Variants in KCTD16 observed in about 807,000 individuals in gnomAD.
KCTD16 encodes BTB/POZ domain-containing protein KCTD16.
KCTD16 carries 13 observed loss-of-function variants against 33.2 expected under a neutral mutation model. The ratio of observed to expected loss-of-function variants is 0.39; its 90% CI spans 0.25 to 0.62. The LOEUF (loss-of-function observed/expected upper bound fraction) is 0.62. KCTD16 is among the 20% of genes least tolerant of loss of function. KCTD16 has a pLI of 0.50. For synonymous variants in KCTD16, 197 were observed against 195.3 expected, an observed-to-expected ratio of 1.01 and a Z score of -0.07; for missense variants, 441 against 525.1, an observed-to-expected ratio of 0.84 and a Z score of 1.57.
chr5:144,258,581 A>C (rs999376820), intron 3 of KCTD16, among the ~76,000 whole-genome samples: 2 of 152,252 alleles, frequency 1.3e-5, no homozygotes, highest in Non-Finnish European at 2.9e-5. Flanking sequence ...GAATTTAAGC[A>C]GACCTTAAGC....
chr5:144,457,333 G>GC (rs1754088848), intron 3 of KCTD16, among the ~76,000 whole-genome samples: 1 of 152,168 alleles, frequency 6.6e-6, no homozygotes, highest in African/African-American at 2.4e-5. Flanking sequence ...AGAGAGATGT[G>GC]CCCCACGTGA....
At chr5:144,327,731 A>G (rs1271507369) in intron 3 of KCTD16, among the ~76,000 whole-genome samples, 2 of 152,188 alleles carry the variant, frequency 1.3e-5, no homozygotes, top group Admixed American at 6.6e-5. Flanking sequence ...TATTTAATAT[A>G]TGTAGGATGT....
At chr5:144,372,706 G>T (rs1352517030) in intron 3 of KCTD16, among the ~76,000 whole-genome samples, 1 of 152,166 alleles carries the variant, frequency 6.6e-6, no homozygotes, top group Admixed American at 6.5e-5. Flanking sequence ...CTTGGTGATG[G>T]GAGGCAAGGT....
intron 2 of KCTD16, among the ~76,000 whole-genome samples, chr5:144,189,532 A>G (rs991724413): frequency 2.0e-5 from 3 of 152,126 alleles, no homozygotes; most frequent in African/African-American, 7.2e-5. Flanking sequence ...AAGAAAATGT[A>G]GAGCAGGTAC....
intron 3 of KCTD16, among the ~76,000 whole-genome samples, chr5:144,378,142 C>A (rs1752133586): frequency 3.9e-5 from 6 of 152,104 alleles, no homozygotes; most frequent in Admixed American, 3.9e-4. Flanking sequence ...CACAGCCTTC[C>A]CTCCTTCTGT....
chr5:144,421,377 C>A (rs937278671), intron 3 of KCTD16, among the ~76,000 whole-genome samples: 2 of 152,128 alleles, frequency 1.3e-5, no homozygotes, highest in African/African-American at 4.8e-5. Context: ...ATGTGTAAAT[C>A]TATTGTCCTG....
chr5:144,395,355 T>C (rs1340359273), intron 3 of KCTD16, among the ~76,000 whole-genome samples: 1 of 152,174 alleles, frequency 6.6e-6, no homozygotes, highest in East Asian at 1.9e-4. Flanking sequence ...AATGCAAGTT[T>C]ATTTTTGTTT....
intron 2 of KCTD16, among the ~76,000 whole-genome samples, chr5:144,176,055 A>G (rs1236145231): frequency 6.6e-6 from 1 of 152,166 alleles, no homozygotes; most frequent in East Asian, 1.9e-4. Flanking sequence ...AGATCTTTCA[A>G]ATTTGGCTTG....
At chr5:144,364,660 G>A (rs886725553) in intron 3 of KCTD16, among the ~76,000 whole-genome samples, 6 of 152,202 alleles carry the variant, frequency 3.9e-5, no homozygotes, top group Non-Finnish European at 8.8e-5. Flanking sequence ...AGATAACCAT[G>A]TACTGCAATT....
chr5:144,407,307 T>C (rs527370990), intron 3 of KCTD16, among the ~76,000 whole-genome samples: 4 of 151,852 alleles, frequency 2.6e-5, no homozygotes, highest in African/African-American at 7.2e-5. Context: ...TAGAAACTTA[T>C]CACTTAAACT....
At chr5:144,260,674 G>A (rs1455592530) in intron 3 of KCTD16, among the ~76,000 whole-genome samples, 1 of 152,114 alleles carries the variant, frequency 6.6e-6, no homozygotes, top group Non-Finnish European at 1.5e-5. Flanking sequence ...TGAGATTTAT[G>A]GTCATTTGGG....
intron 3 of KCTD16, among the ~76,000 whole-genome samples, chr5:144,436,089 T>A (rs1291896893): frequency 6.6e-6 from 1 of 152,172 alleles, no homozygotes; most frequent in African/African-American, 2.4e-5. Flanking sequence ...GGGAACCACT[T>A]TAGTTTTAAC....
At chr5:144,178,544 G>A (rs1752551317) in intron 2 of KCTD16, among the ~76,000 whole-genome samples, 5 of 152,068 alleles carry the variant, frequency 3.3e-5, no homozygotes, top group Admixed American at 3.3e-4. Context: ...TTTAGGTGAA[G>A]CAGTCAAGAT....
rs1754554468 is a variant in KCTD16 at position 144,474,608 on chromosome 5, T to A, written c.*494T>A. On this transcript the variant is annotated 3_prime_UTR_variant, in exon 4 of 4. Coordinates refer to ENST00000512467, the MANE Select transcript of KCTD16 (RefSeq NM_020768.4). ...ATATGACTTTTCACTCAAATCTATATGTGCCAGTTTATATTGACTCCGTAT... is the reference window on the plus strand; with the variant it reads ...ATATGACTTTTCACTCAAATCTATAAGTGCCAGTTTATATTGACTCCGTAT... 1 of 162,688 alleles carries A rather than the reference T, an allele frequency of 6.1e-6. No homozygotes were observed. The highest frequency in any genetic ancestry group is 1.3e-5 in the Non-Finnish European group (1 of 74,292). 10.1% of individuals were successfully genotyped at this position (162,688 alleles called of 1,614,324 possible).
intron 1 of KCTD16, among the ~76,000 whole-genome samples, chr5:144,171,798 G>T (rs1752390369): frequency 6.6e-6 from 1 of 152,158 alleles, no homozygotes; most frequent in South Asian, 2.1e-4. Context: ...TTTGTGTGTT[G>T]GTTCTAAAAG....
intron 3 of KCTD16, among the ~76,000 whole-genome samples, chr5:144,236,766 T>C (rs557178516): frequency 3.4e-4 from 52 of 152,210 alleles, no homozygotes; most frequent in East Asian, 1.9e-4. Context: ...GGGATAAACA[T>C]TGGTCTGAGA....
intron 3 of KCTD16, among the ~76,000 whole-genome samples, chr5:144,460,915 C>A (rs1006075786): frequency 6.6e-6 from 1 of 152,016 alleles, no homozygotes; most frequent in African/African-American, 2.4e-5. Flanking sequence ...TATACAAATA[C>A]CAGATACCAT....
At chr5:144,368,923 A>G (rs1362401796) in intron 3 of KCTD16, among the ~76,000 whole-genome samples, 2 of 152,242 alleles carry the variant, frequency 1.3e-5, no homozygotes, top group Non-Finnish European at 2.9e-5. Context: ...TGGCAAATCC[A>G]GAACTCGAAC....
At chr5:144,299,023 A>G (rs1297637507) in intron 3 of KCTD16, among the ~76,000 whole-genome samples, 4 of 120,710 alleles carry the variant, frequency 3.3e-5, no homozygotes, top group Non-Finnish European at 7.2e-5. Context: ...AAAAAATGCT[A>G]TGAATAAGTA....
Sources: allele counts gnomAD v4.1 joint callset (sites outside exome capture counted in the v4.1 genomes callset), GRCh38; gene constraint gnomAD v4.1.1; transcripts MANE v1.5; gene names NCBI Gene and HGNC (gene_info 2026-07-23, HGNC 2026-07-21).